The following FRMD4B variants were observed in gnomAD, a reference collection of about 807,000 sequenced individuals.
The protein encoded by FRMD4B is FERM domain-containing protein 4B.
FRMD4B carries 74 observed loss-of-function variants against 141.5 expected under a neutral mutation model. The ratio of observed to expected loss-of-function variants is 0.52; its 90% confidence interval spans 0.43 to 0.63. The LOEUF (loss-of-function observed/expected upper bound fraction) is 0.63. Among genes scored for constraint, FRMD4B ranks in the 30% least tolerant of loss-of-function variants. The probability of loss-of-function intolerance (pLI) is 0.00; values close to 1 mark genes in which losing one functional copy is unlikely to be tolerated. For synonymous variants in FRMD4B, 506 were observed against 467.9 expected (o/e 1.08, Z -1.05); for missense variants, 1,366 against 1,253.4 (o/e 1.09, Z -1.36).
At chr3:69,209,143 C>G (rs957129786) in intron 11 of FRMD4B, among the ~76,000 whole-genome samples, 1 of 108,776 alleles carries the variant, frequency 9.2e-6, no homozygotes, top group African/African-American at 3.3e-5. Context: ...GAATCCATCT[C>G]AAAAAAAAAA....
At chr3:69,291,883 ATAATAC>A (rs1302132336) in intron 4 of FRMD4B, among the ~76,000 whole-genome samples, 1 of 146,708 alleles carries the variant, frequency 6.8e-6, no homozygotes, top group Non-Finnish European at 1.5e-5. Flanking sequence ...CATGCTAGGG[ATAATAC>A]AAAGTGCTCT....
At chr3:69,530,551 A>G (rs1309615698) in intron 1 of FRMD4B, among the ~76,000 whole-genome samples, 1 of 151,060 alleles carries the variant, frequency 6.6e-6, no homozygotes, top group African/African-American at 2.4e-5. Flanking sequence ...AGTCAAATAA[A>G]ACCTCTTTTT....
At chr3:69,335,290 G>A (rs1702505906) in intron 1 of FRMD4B, among the ~76,000 whole-genome samples, 1 of 152,070 alleles carries the variant, frequency 6.6e-6, no homozygotes, top group Non-Finnish European at 1.5e-5. Context: ...ATTCCAGACA[G>A]AGGCCAACAA....
intron 3 of FRMD4B, among the ~76,000 whole-genome samples, chr3:69,305,340 A>C (rs954667662): frequency 1.3e-5 from 2 of 152,232 alleles, no homozygotes; most frequent in African/African-American, 4.8e-5. Context: ...TCCTTGCAAG[A>C]ATATTATAAA....
chr3:69,287,896 A>C, intron 4 of FRMD4B, 60 bp from the exon 5 acceptor site: 8 of 751,358 alleles, frequency 1.1e-5, no homozygotes, highest in South Asian at 1.8e-5. Flanking sequence ...AGCATTCCTC[A>C]TTCAGTGTTC....
At chr3:69,531,653 C>A (rs1311495679) in intron 1 of FRMD4B, among the ~76,000 whole-genome samples, 2 of 152,202 alleles carry the variant, frequency 1.3e-5, no homozygotes, top group Admixed American at 6.5e-5. Flanking sequence ...ATAGCATGAA[C>A]CTTTGCTGAC....
intron 5 of FRMD4B, among the ~76,000 whole-genome samples, chr3:69,253,993 T>A (rs758304219): frequency 4.6e-5 from 7 of 152,136 alleles, no homozygotes; most frequent in Non-Finnish European, 8.8e-5. Flanking sequence ...GGTGGGAGGA[T>A]GGCTTGAGCC....
intron 2 of FRMD4B, among the ~76,000 whole-genome samples, chr3:69,391,426 G>A (rs1704380611): frequency 7.8e-6 from 1 of 127,644 alleles, no homozygotes. Flanking sequence ...AGGCCCCGGA[G>A]TGTGATGTTC....
intron 14 of FRMD4B, 34 bp from the exon 15 acceptor site, chr3:69,195,398 A>T (rs765686377): frequency 6.4e-7 from 1 of 1,562,528 alleles, no homozygotes; most frequent in South Asian, 1.2e-5. Context: ...GAAGGTTTAT[A>T]CAAGGGATGT....
intron 1 of FRMD4B, among the ~76,000 whole-genome samples, chr3:69,338,684 G>A (rs970918395): frequency 1.3e-5 from 2 of 152,104 alleles, no homozygotes; most frequent in African/African-American, 4.8e-5. Flanking sequence ...GCCTACTTGA[G>A]GGTAGAGGGT....
chr3:69,240,896 A>C (rs1227322249), intron 7 of FRMD4B, among the ~76,000 whole-genome samples: 1 of 152,182 alleles, frequency 6.6e-6, no homozygotes. Context: ...GCACTTTGAG[A>C]AGTGGAAGTA....
At chr3:69,376,677 ATC>A (rs1489846425) in intron 1 of FRMD4B, 1 of 151,640 alleles carries the variant, frequency 6.6e-6, no homozygotes, top group Non-Finnish European at 1.5e-5. Flanking sequence ...CAGGATGTAT[ATC>A]TGTTATGTAT....
At chr3:69,214,844 A>G (rs1010618516) in intron 11 of FRMD4B, among the ~76,000 whole-genome samples, 2 of 151,552 alleles carry the variant, frequency 1.3e-5, no homozygotes, top group Non-Finnish European at 2.9e-5. Flanking sequence ...CCAAGGGAAC[A>G]CAGCGAGACT....
At position 69,512,298 on chromosome 3, in the gene FRMD4B, TC is replaced by T. The variant is rs747520849; in HGVS notation, c.-129+29907del. Among the ~76,000 whole-genome samples, 50 of 152,180 alleles carry T rather than the reference TC, an allele frequency of 3.3e-4. 1 individual carries two copies. The highest frequency in any genetic ancestry group is 5.3e-4 in the Non-Finnish European group (36 of 68,028). On this transcript the variant is annotated intron_variant, in intron 1 of 5. Transcript: ENST00000459638. ...TTTATTTACTTATTTGGTTTTAATATCTTAATAAGGAAGGCAAACAAAGAAG... is the reference window on the plus strand; with the variant it reads ...TTTATTTACTTATTTGGTTTTAATATTTAATAAGGAAGGCAAACAAAGAAG...
intron 1 of FRMD4B, among the ~76,000 whole-genome samples, chr3:69,373,205 C>T (rs1285340258): frequency 2.0e-5 from 3 of 152,142 alleles, no homozygotes; most frequent in Non-Finnish European, 4.4e-5. Context: ...GCAGTTTTAC[C>T]GACCCTTTTT....
chr3:69,239,102 A>G (rs2093364532), intron 7 of FRMD4B, among the ~76,000 whole-genome samples: 2 of 152,180 alleles, frequency 1.3e-5, no homozygotes, highest in African/African-American at 4.8e-5. Context: ...TAACTTGCCA[A>G]GTTCCGAGTT....
At chr3:69,229,871 A>C (rs1343457099) in intron 7 of FRMD4B, among the ~76,000 whole-genome samples, 1 of 151,856 alleles carries the variant, frequency 6.6e-6, no homozygotes, top group Non-Finnish European at 1.5e-5. Flanking sequence ...ATGCCCAGCT[A>C]CTTTTTGTAT....
chr3:69,209,424 G>T (rs944793710), intron 11 of FRMD4B, among the ~76,000 whole-genome samples: 2 of 152,192 alleles, frequency 1.3e-5, no homozygotes, highest in African/African-American at 2.4e-5. Context: ...ATTAAAGTAT[G>T]GTGTGGAGGG....
At chr3:69,506,110 C>T (rs2107081274) in intron 1 of FRMD4B, among the ~76,000 whole-genome samples, 1 of 152,240 alleles carries the variant, frequency 6.6e-6, no homozygotes, top group South Asian at 2.1e-4. Context: ...TGGTCACAAG[C>T]AACAAAGGTG....
Sources: allele counts gnomAD v4.1 joint callset (sites outside exome capture counted in the v4.1 genomes callset), GRCh38; gene constraint gnomAD v4.1.1; transcripts MANE v1.5; gene names NCBI Gene and HGNC (gene_info 2026-07-23, HGNC 2026-07-21).